The following KCNMA1 variants were observed in gnomAD, a reference collection of about 807,000 sequenced individuals.
The protein encoded by KCNMA1 is Calcium-activated potassium channel subunit alpha-1.
In KCNMA1, 29 loss-of-function variants were observed where a neutral mutation model predicts 140.0. The observed-to-expected ratio is 0.21, with a 90% confidence interval of 0.15 to 0.28. KCNMA1 has a LOEUF of 0.28. Among genes scored for constraint, KCNMA1 ranks in the 10% least tolerant of loss-of-function variants. The probability of loss-of-function intolerance (pLI) is 1.00; values close to 1 mark genes in which losing one functional copy is unlikely to be tolerated. For synonymous variants in KCNMA1, 612 were observed against 611.9 expected (o/e 1.00, Z 0.00); for missense variants, 880 against 1,602.2 (o/e 0.55, Z 7.70).
intron 2 of KCNMA1, among the ~76,000 whole-genome samples, chr10:77,280,708 A>C (rs541518002): frequency 1.7e-4 from 23 of 134,136 alleles, no homozygotes; most frequent in African/African-American, 6.6e-4. Flanking sequence ...TTTTTTTTTC[A>C]GGTATAGGCA....
At chr10:77,234,972 T>G (rs2054890346) in intron 3 of KCNMA1, among the ~76,000 whole-genome samples, 1 of 152,164 alleles carries the variant, frequency 6.6e-6, no homozygotes. Flanking sequence ...AGATTTCCAA[T>G]AAAATGTTCT....
intron 19 of KCNMA1, among the ~76,000 whole-genome samples, chr10:76,972,886 A>G (rs1296496572): frequency 1.3e-5 from 2 of 152,258 alleles, no homozygotes; most frequent in Non-Finnish European, 2.9e-5. Context: ...ACCATATTTA[A>G]TTATCAGCCT....
intron 1 of KCNMA1, among the ~76,000 whole-genome samples, chr10:77,630,012 T>C (rs1321525099): frequency 6.6e-6 from 1 of 152,192 alleles, no homozygotes; most frequent in Non-Finnish European, 1.5e-5. Flanking sequence ...CTACTTTCAC[T>C]TTCATCTTCT....
At chr10:76,957,278 AC>A (rs2068778085) in intron 20 of KCNMA1, among the ~76,000 whole-genome samples, 1 of 152,100 alleles carries the variant, frequency 6.6e-6, no homozygotes, top group African/African-American at 2.4e-5. Context: ...AAATAATGGC[AC>A]CTAAAACCAT....
chr10:77,464,124 C>T (rs1566984402), intron 1 of KCNMA1, among the ~76,000 whole-genome samples: 1 of 152,138 alleles, frequency 6.6e-6, no homozygotes, highest in African/African-American at 2.4e-5. Flanking sequence ...AGTTCCTGGT[C>T]CAGCTATTGC....
At chr10:77,549,448 C>T (rs1020986205) in intron 1 of KCNMA1, among the ~76,000 whole-genome samples, 1 of 152,198 alleles carries the variant, frequency 6.6e-6, no homozygotes, top group Non-Finnish European at 1.5e-5. Flanking sequence ...GAAGAGAGGC[C>T]TTAAACTCCT....
At chr10:77,625,708 C>G (rs1275111789) in intron 1 of KCNMA1, among the ~76,000 whole-genome samples, 1 of 152,192 alleles carries the variant, frequency 6.6e-6, no homozygotes, top group Non-Finnish European at 1.5e-5. Context: ...GAATAATACT[C>G]TGTTGTATGT....
chr10:77,263,891 T>C (rs186472944), intron 2 of KCNMA1, among the ~76,000 whole-genome samples: 62 of 152,272 alleles, frequency 4.1e-4, no homozygotes, highest in Middle Eastern at 3.4e-3. Context: ...TTTCAGTGGG[T>C]TGAAATCCAG....
At chr10:77,634,262 G>C (rs2093506778) in intron 1 of KCNMA1, 1 of 985,286 alleles carries the variant, frequency 1.0e-6, no homozygotes, top group Non-Finnish European at 1.2e-6. Flanking sequence ...ATGTGAAAAA[G>C]TACAGCAAAG....
intron 24 of KCNMA1, chr10:76,914,446 C>T (rs895386695): frequency 1.5e-5 from 7 of 453,416 alleles, no homozygotes; most frequent in African/African-American, 7.8e-5. Context: ...TATTCAACTA[C>T]GATACGTTAA....
chr10:77,078,997 G>A (rs181191155), intron 13 of KCNMA1, among the ~76,000 whole-genome samples: 1 of 152,166 alleles, frequency 6.6e-6, no homozygotes, highest in Non-Finnish European at 1.5e-5. Flanking sequence ...GGCCAGAGGC[G>A]TGGTGGCTCA....
intron 15 of KCNMA1, among the ~76,000 whole-genome samples, chr10:77,036,279 T>C (rs61868796): frequency 0.17 from 25,914 of 152,212 alleles, 3,037 homozygotes; most frequent in Non-Finnish European, 0.26. Context: ...TTGATAGAGA[T>C]AGCTTTCGGG....
At chr10:77,633,046 G>A (rs1300812543) in intron 1 of KCNMA1, among the ~76,000 whole-genome samples, 1 of 152,238 alleles carries the variant, frequency 6.6e-6, no homozygotes, top group Admixed American at 6.5e-5. Context: ...GCTGGACGCC[G>A]TGCCTCACGC....
At chr10:77,511,578 G>C (rs76156066) in intron 1 of KCNMA1, among the ~76,000 whole-genome samples, 24 of 152,284 alleles carry the variant, frequency 1.6e-4, no homozygotes, top group African/African-American at 5.8e-4. Context: ...GCAATGCCTA[G>C]TTCATAGAAT....
intron 1 of KCNMA1, among the ~76,000 whole-genome samples, chr10:77,622,599 A>C (rs1214924305): frequency 1.3e-5 from 2 of 152,224 alleles, no homozygotes; most frequent in African/African-American, 4.8e-5. Context: ...AATCACTCAA[A>C]GTTTGTTATC....
chr10:77,099,815 C>T (rs1353971258), intron 9 of KCNMA1, among the ~76,000 whole-genome samples: 2 of 152,104 alleles, frequency 1.3e-5, no homozygotes, highest in Admixed American at 1.3e-4. Flanking sequence ...AGGAGTGGAC[C>T]TCAGGATCAC....
intron 1 of KCNMA1, chr10:77,636,363 G>T (rs1484312502): frequency 6.5e-7 from 1 of 1,532,602 alleles, no homozygotes; most frequent in Admixed American, 2.0e-5. Flanking sequence ...CCTCAGTGCC[G>T]GTGGGCGTCT....
chr10:77,235,884 G>A (rs1420150673), intron 3 of KCNMA1, among the ~76,000 whole-genome samples: 1 of 152,188 alleles, frequency 6.6e-6, no homozygotes, highest in Non-Finnish European at 1.5e-5. Flanking sequence ...TGAGCTTCTG[G>A]GAGGCAATGT....
At chr10:76,927,594 G>C in intron 23 of KCNMA1, among the ~76,000 whole-genome samples, 1 of 152,260 alleles carries the variant, frequency 6.6e-6, no homozygotes, top group African/African-American at 2.4e-5. Context: ...AATGACATAG[G>C]CTTAATGATA....
Sources: gnomAD v4.1 joint callset for allele counts (sites outside exome capture counted in the v4.1 genomes callset) on GRCh38, gnomAD v4.1.1 for gene constraint, MANE v1.5 for transcripts, NCBI Gene and HGNC (gene_info 2026-07-23, HGNC 2026-07-21) for gene names.